Variants in ACYP2 observed in about 807,000 individuals in gnomAD.
The protein encoded by ACYP2 is acylphosphatase-2.
ACYP2 carries 12 observed loss-of-function variants against 11.2 expected under a neutral mutation model. That is an observed-to-expected ratio of 1.08 (90% confidence interval 0.69 to 1.74). The LOEUF (loss-of-function observed/expected upper bound fraction) is 1.74, where lower values mean the gene tolerates loss of function less well. Among genes scored for constraint, ACYP2 ranks in the 40% most tolerant of loss-of-function variants. The probability of loss-of-function intolerance (pLI) is 0.00; values close to 1 mark genes in which losing one functional copy is unlikely to be tolerated. For synonymous variants in ACYP2, 43 were observed against 32.2 expected (o/e 1.33, Z -1.13); for missense variants, 134 against 101.9 (o/e 1.31, Z -1.35).
chr2:54,105,570 G>A (rs1022942344), intron 4 of ACYP2, among the ~76,000 whole-genome samples: 5 of 152,002 alleles, frequency 3.3e-5, no homozygotes, highest in African/African-American at 1.2e-4. Context: ...TAGCTCAAGT[G>A]ATTCTCCCAC....
At chr2:54,047,770 A>G (rs1272417263) in intron 2 of ACYP2, among the ~76,000 whole-genome samples, 1 of 152,216 alleles carries the variant, frequency 6.6e-6, no homozygotes, top group Non-Finnish European at 1.5e-5. Context: ...AAAGTGTGAG[A>G]TGGATTTTTT....
intron 6 of ACYP2, among the ~76,000 whole-genome samples, chr2:54,234,314 C>A (rs1301390057): frequency 6.6e-6 from 1 of 152,246 alleles, no homozygotes; most frequent in Non-Finnish European, 1.5e-5. Context: ...AAACTGTTGC[C>A]ATGACCTTTG....
At chr2:54,204,001 A>G (rs997056953) in intron 6 of ACYP2, among the ~76,000 whole-genome samples, 1 of 151,682 alleles carries the variant, frequency 6.6e-6, no homozygotes, top group African/African-American at 2.4e-5. Flanking sequence ...TGTTGTTGTT[A>G]TTGTTGTTTT....
At chr2:54,075,140 C>T (rs144068851) in intron 4 of ACYP2, among the ~76,000 whole-genome samples, 5 of 152,216 alleles carry the variant, frequency 3.3e-5, no homozygotes, top group East Asian at 1.9e-4. Flanking sequence ...AAAAGTTCAA[C>T]GGACGGTGTG....
In ACYP2 at chr2:54,082,284, C is replaced by T. The variant is rs1355771947; in HGVS notation, c.277+24924C>T. ...TTTTTGAGATGAAGTCTCACTCTATCGCCCAGGCTGGAGTGCAGTGGTGTG... is the reference window on the plus strand; with the variant it reads ...TTTTTGAGATGAAGTCTCACTCTATTGCCCAGGCTGGAGTGCAGTGGTGTG... On this transcript the variant is annotated intron_variant, in intron 4 of 6. Transcript: ENST00000607452. 4.0e-5 allele frequency among the ~76,000 whole-genome samples: 6 copies of T among 149,390 alleles called. 1 individual carries two copies. The highest frequency in any genetic ancestry group is 4.2e-4 in the South Asian group (2 of 4,758).
intron 6 of ACYP2, among the ~76,000 whole-genome samples, chr2:54,211,575 G>T (rs1462340248): frequency 2.0e-5 from 3 of 152,064 alleles, no homozygotes; most frequent in Non-Finnish European, 4.4e-5. Context: ...TATGGTTAGT[G>T]TTGTCAGTTC....
chr2:54,024,785 G>A (rs1674188655), intron 2 of ACYP2, among the ~76,000 whole-genome samples: 3 of 152,092 alleles, frequency 2.0e-5, no homozygotes, highest in Non-Finnish European at 4.4e-5. Flanking sequence ...TTGGTAAAAA[G>A]GAAATCAAAC....
intron 2 of ACYP2, among the ~76,000 whole-genome samples, chr2:54,015,647 A>T (rs4395278): frequency 0.27 from 15,371 of 57,768 alleles, 1,183 homozygotes; most frequent in African/African-American, 0.39. Flanking sequence ...AGACCCCGTC[A>T]CACACACACA....
chr2:54,289,631 T>A (rs1689218554), intron 6 of ACYP2, among the ~76,000 whole-genome samples: 1 of 152,000 alleles, frequency 6.6e-6, no homozygotes, highest in South Asian at 2.1e-4. Flanking sequence ...ATTTAACACA[T>A]TTGTGCCGAA....
intron 2 of ACYP2, among the ~76,000 whole-genome samples, chr2:53,975,896 A>C (rs1671456598): frequency 6.6e-6 from 1 of 152,178 alleles, no homozygotes; most frequent in African/African-American, 2.4e-5. Flanking sequence ...CTGACTTCTT[A>C]TCAGACCCTC....
intron 2 of ACYP2, among the ~76,000 whole-genome samples, chr2:54,038,503 T>C (rs982839436): frequency 2.0e-4 from 30 of 151,844 alleles, no homozygotes; most frequent in African/African-American, 6.5e-4. Context: ...TTATTGATCA[T>C]TTAATCCTTG....
chr2:54,117,506 A>G (rs1679878105), intron 4 of ACYP2, among the ~76,000 whole-genome samples: 1 of 152,104 alleles, frequency 6.6e-6, no homozygotes, highest in African/African-American at 2.4e-5. Flanking sequence ...TTGCCCAGGC[A>G]AGTCTCGAAA....
chr2:54,235,847 CCAA>C (rs1013509440), intron 6 of ACYP2, among the ~76,000 whole-genome samples: 2 of 152,160 alleles, frequency 1.3e-5, no homozygotes, highest in African/African-American at 2.4e-5. Flanking sequence ...AACCAACCAA[CCAA>C]CAACAACAAT....
intron 4 of ACYP2, among the ~76,000 whole-genome samples, chr2:54,092,532 T>TAA (rs1168218031): frequency 6.6e-6 from 1 of 152,076 alleles, no homozygotes; most frequent in Non-Finnish European, 1.5e-5. Context: ...ATCCACCAGT[T>TAA]AAGCCATCTA....
At chr2:54,050,557 A>C (rs553971714) in intron 2 of ACYP2, among the ~76,000 whole-genome samples, 1 of 151,804 alleles carries the variant, frequency 6.6e-6, no homozygotes, top group Admixed American at 6.6e-5. Flanking sequence ...GAAAAAAAAA[A>C]AAAAAAAAGA....
intron 4 of ACYP2, among the ~76,000 whole-genome samples, chr2:54,112,146 T>A (rs1199442028): frequency 6.6e-6 from 1 of 152,208 alleles, no homozygotes; most frequent in Non-Finnish European, 1.5e-5. Context: ...TACAGTCATA[T>A]TATATAAGCA....
chr2:54,180,369 G>C (rs1348339654), intron 6 of ACYP2, among the ~76,000 whole-genome samples: 1 of 152,032 alleles, frequency 6.6e-6, no homozygotes, highest in Non-Finnish European at 1.5e-5. Context: ...GGGTGGGGCT[G>C]AATATCTTAA....
At chr2:54,014,271 G>A (rs1004493718) in intron 2 of ACYP2, among the ~76,000 whole-genome samples, 1 of 152,092 alleles carries the variant, frequency 6.6e-6, no homozygotes, top group Non-Finnish European at 1.5e-5. Flanking sequence ...CTGCAGTGAA[G>A]ATGAGGGTGG....
chr2:54,243,930 T>C lies in ACYP2; in HGVS notation c.405-60758T>C, dbSNP rs184038486. ...TATAGTTGTTGCTGTTTTTTTTTTT[T>C]AATCCACAGCTGACCTGAAAGTCTT... On this transcript the variant is annotated intron_variant, in intron 6 of 6. Transcript: ENST00000607452. Among the ~76,000 whole-genome samples, 78 of 152,014 alleles carry C rather than the reference T, an allele frequency of 5.1e-4. No homozygotes were observed. In the East Asian group the frequency reaches 0.013, roughly 25 times the overall value.
Sources: gnomAD v4.1 joint callset for allele counts (sites outside exome capture counted in the v4.1 genomes callset) on GRCh38, gnomAD v4.1.1 for gene constraint, MANE v1.5 for transcripts, NCBI Gene and HGNC (gene_info 2026-07-23, HGNC 2026-07-21) for gene names.